BMP2K: variants seen among roughly 807,000 people sequenced by gnomAD.
The protein encoded by BMP2K is BMP2 inducible kinase, also known as BMP-2-inducible protein kinase.
A neutral mutation model predicts 116.0 loss-of-function variants in BMP2K; 74 were observed. That is an observed-to-expected ratio of 0.64 (90% CI 0.53 to 0.77). The LOEUF is 0.77. Among genes scored for constraint, BMP2K ranks in the 30% least tolerant of loss-of-function variants. The pLI, the probability that BMP2K is intolerant of heterozygous loss-of-function variation, is 0.00. For missense variants in BMP2K, 1,365 were observed against 1,403.6 expected (o/e 0.97, Z 0.44); for synonymous variants, 486 against 502.5 (o/e 0.97, Z 0.44).
At chr4:78,893,577 T>C (rs918225757) in intron 15 of BMP2K, among the ~76,000 whole-genome samples, 11 of 152,218 alleles carry the variant, frequency 7.2e-5, no homozygotes, top group African/African-American at 2.7e-4. Flanking sequence ...ATAATAAGAC[T>C]TTTAAAAATG....
chr4:78,914,988 C>T lies in BMP2K; in HGVS notation c.*2955C>T, dbSNP rs1734920855. 1 of 151,810 alleles carries T rather than the reference C, an allele frequency of 6.6e-6. No individual in the cohort carries two copies. Among genetic ancestry groups the T allele is most frequent in the African/African-American group, 2.4e-5 (1 of 41,344 alleles). 9.4% of individuals were successfully genotyped at this position (151,810 alleles called of 1,614,324 possible). A position where few individuals can be genotyped will look rare whatever the true frequency, so the allele number is the denominator to read the frequency against. On this transcript the variant is annotated 3_prime_UTR_variant, in exon 16 of 16. Transcript: ENST00000502613. The stretch of plus-strand genomic sequence containing the variant: ...AGTAAAATGTTAGTATTAAAAAGAT[C>T]AGCTTTTTATGGCATTGAAGAATGT...
chr4:78,821,081 A>G (rs1729596054), intron 1 of BMP2K, among the ~76,000 whole-genome samples: 1 of 152,078 alleles, frequency 6.6e-6, no homozygotes, highest in Non-Finnish European at 1.5e-5. Flanking sequence ...TACTCTTAAG[A>G]ATATTTATAG....
At chr4:78,806,860 T>C (rs530937427) in intron 1 of BMP2K, among the ~76,000 whole-genome samples, 2 of 149,196 alleles carry the variant, frequency 1.3e-5, no homozygotes, top group Non-Finnish European at 3.0e-5. Context: ...TTTTTTTAAA[T>C]ATTTTTGAGA....
In BMP2K at chr4:78,786,405, A is replaced by ATGTGTGTGTGTG. The variant is rs34288286; in HGVS notation, c.178+9720_178+9731dup. On this transcript the variant is annotated intron_variant, in intron 1 of 15. Coordinates refer to ENST00000502613, the MANE Select transcript of BMP2K (RefSeq NM_198892.2). ...AATTCTGTTGCTTATAAGCCACCCA[A>ATGTGTGTGTGTG]TGTGTGTGTGTGTGTGTGTGTGTGT... is the stretch of plus-strand genomic sequence containing the variant. Among the ~76,000 whole-genome samples, 1,199 of 134,364 alleles carry ATGTGTGTGTGTG rather than the reference A, an allele frequency of 8.9e-3. 13 individuals carry two copies. The highest frequency in any genetic ancestry group is 0.022 in the African/African-American group (787 of 36,014). 88.1% of individuals were successfully genotyped at this position (134,364 alleles called of 152,430 possible).
At chr4:78,829,511 TTGTTAA>T (rs1398125228) in intron 2 of BMP2K, among the ~76,000 whole-genome samples, 3 of 152,026 alleles carry the variant, frequency 2.0e-5, no homozygotes, top group South Asian at 2.1e-4. Context: ...TTCCAAACTC[TTGTTAA>T]TGTTAATATT....
intron 10 of BMP2K, among the ~76,000 whole-genome samples, chr4:78,869,656 A>G (rs1310001173): frequency 6.6e-6 from 1 of 152,196 alleles, no homozygotes; most frequent in Non-Finnish European, 1.5e-5. Context: ...ATTATTTGCC[A>G]ATTAAAAAAT....
At chr4:78,779,379 C>T (rs1484197528) in intron 1 of BMP2K, among the ~76,000 whole-genome samples, 2 of 152,198 alleles carry the variant, frequency 1.3e-5, no homozygotes, top group Non-Finnish European at 2.9e-5. Context: ...GTCTTTGCTC[C>T]TTGAACACTA....
At position 78,776,507 on chromosome 4, in the gene BMP2K, G is replaced by A; in HGVS notation, c.-37G>A. The A allele has an allele frequency of 8.9e-7, 1 of 1,129,820 alleles. No individual in the cohort carries two copies. The highest frequency in any genetic ancestry group is 1.1e-6 in the Non-Finnish European group (1 of 920,636). The allele number at this position is 1,129,820 out of a possible 1,614,324, so 70.0% of individuals were successfully genotyped here. ...CGCGCCGGGCCGGGGACTTGCCCTT[G>A]CACGCTCCCTGCGCCCTCCAGCTCG... On this transcript the variant is annotated 5_prime_UTR_variant, in exon 1 of 16. Transcript: ENST00000502613.
intron 3 of BMP2K, among the ~76,000 whole-genome samples, chr4:78,837,416 AG>A (rs1730541268): frequency 6.6e-6 from 1 of 151,966 alleles, no homozygotes; most frequent in African/African-American, 2.4e-5. Context: ...GCTGGTCTTG[AG>A]CTCCTGACTT....
At position 78,879,061 on chromosome 4, in the gene BMP2K, A is replaced by T. The variant is rs994020395; in HGVS notation, c.1951+170A>T. 8.0e-6 allele frequency: 11 copies of T among 1,374,590 alleles called. No homozygotes were observed. The Admixed American group carries it at 1.1e-4, about 14-fold the overall frequency. 85.1% of individuals were successfully genotyped at this position (1,374,590 alleles called of 1,614,324 possible). A position where few individuals can be genotyped will look rare whatever the true frequency, so the allele number is the denominator to read the frequency against. On this transcript the variant is annotated intron_variant, in intron 14 of 15. Coordinates refer to ENST00000502613, the MANE Select transcript of BMP2K (RefSeq NM_198892.2). ...TATACTATCAAATTATGTTGTGTGC[A>T]TTAGAAATCAGTTGCTTGATAGTAG...
chr4:78,882,403 A>G (rs757738596), intron 14 of BMP2K, among the ~76,000 whole-genome samples: 13 of 151,704 alleles, frequency 8.6e-5, no homozygotes, highest in African/African-American at 1.2e-4. Context: ...CATTAAATCA[A>G]ATTTAAGCAA....
intron 15 of BMP2K, among the ~76,000 whole-genome samples, chr4:78,893,325 A>G (rs77715527): frequency 0.027 from 4,148 of 152,276 alleles, 207 homozygotes; most frequent in African/African-American, 0.095. Flanking sequence ...TGCTCTTTCC[A>G]TGACATCTGC....
intron 2 of BMP2K, among the ~76,000 whole-genome samples, chr4:78,827,914 T>G (rs918863908): frequency 2.0e-5 from 3 of 152,238 alleles, no homozygotes; most frequent in Non-Finnish European, 2.9e-5. Context: ...ATGTCACTCC[T>G]TGTTGGTCAA....
At chr4:78,835,846 G>C (rs923798031) in intron 3 of BMP2K, among the ~76,000 whole-genome samples, 2 of 152,102 alleles carry the variant, frequency 1.3e-5, no homozygotes, top group Non-Finnish European at 2.9e-5. Flanking sequence ...ATCAAGGGAA[G>C]TATATAATTC....
At chr4:78,797,052 A>G (rs1179735499) in intron 1 of BMP2K, among the ~76,000 whole-genome samples, 1 of 152,238 alleles carries the variant, frequency 6.6e-6, no homozygotes, top group African/African-American at 2.4e-5. Flanking sequence ...GTTCAAGAGT[A>G]CTATGAATAC....
chr4:78,857,003 G>A (rs1376868966), intron 7 of BMP2K, among the ~76,000 whole-genome samples: 2 of 152,184 alleles, frequency 1.3e-5, no homozygotes, highest in South Asian at 2.1e-4. Context: ...GTAGTAGATA[G>A]CGATCGTGGC....
chr4:78,823,228 C>G (rs1025879297), intron 1 of BMP2K, among the ~76,000 whole-genome samples: 3 of 151,986 alleles, frequency 2.0e-5, no homozygotes, highest in Non-Finnish European at 4.4e-5. Context: ...AGAAAACCTA[C>G]TTGATACTTG....
At chr4:78,785,218 C>G (rs1727677156) in intron 1 of BMP2K, among the ~76,000 whole-genome samples, 1 of 152,146 alleles carries the variant, frequency 6.6e-6, no homozygotes, top group South Asian at 2.1e-4. Flanking sequence ...TCAAGTGATT[C>G]TCCTGCCTCA....
intron 3 of BMP2K, among the ~76,000 whole-genome samples, chr4:78,837,197 C>CT (rs371631389): frequency 1.6e-4 from 23 of 147,788 alleles, no homozygotes; most frequent in South Asian, 6.4e-4. Flanking sequence ...GGACTCTTTT[C>CT]TTTTTTTTTT....
Sources: allele counts gnomAD v4.1 joint callset (sites outside exome capture counted in the v4.1 genomes callset), GRCh38; gene constraint gnomAD v4.1.1; transcripts MANE v1.5; gene names NCBI Gene and HGNC (gene_info 2026-07-23, HGNC 2026-07-21).